Variants in PKP4 observed in about 807,000 individuals in gnomAD.
PKP4 encodes plakophilin-4.
A neutral mutation model predicts 145.1 loss-of-function variants in PKP4; 90 were observed. That is an observed-to-expected ratio of 0.62 (90% CI 0.52 to 0.74). The LOEUF (loss-of-function observed/expected upper bound fraction) is 0.74, where lower values mean the gene tolerates loss of function less well. PKP4 is among the 30% of genes least tolerant of loss of function. PKP4 has a pLI of 0.00. For missense variants in PKP4, 1,340 were observed against 1,482.7 expected, an observed-to-expected ratio of 0.90 and a Z score of 1.58; for synonymous variants, 563 against 577.2, an observed-to-expected ratio of 0.98 and a Z score of 0.35.
intron 12 of PKP4, chr2:158,661,121 C>G: frequency 2.1e-6 from 1 of 468,848 alleles, no homozygotes; most frequent in Non-Finnish European, 3.9e-6. Context: ...GAGATACAGT[C>G]CAAATGTGCA....
intron 2 of PKP4, among the ~76,000 whole-genome samples, chr2:158,570,633 C>T (rs932969649): frequency 6.6e-6 from 1 of 152,126 alleles, no homozygotes; most frequent in African/African-American, 2.4e-5. Flanking sequence ...TACTTTCCTG[C>T]TGAGATACAT....
intron 1 of PKP4, among the ~76,000 whole-genome samples, chr2:158,493,379 C>G (rs1219382156): frequency 6.6e-6 from 1 of 152,072 alleles, no homozygotes; most frequent in Non-Finnish European, 1.5e-5. Context: ...AGTGGAAATA[C>G]CTGCCTCATT....
At chr2:158,545,298 T>C (rs1244068220) in intron 2 of PKP4, among the ~76,000 whole-genome samples, 1 of 152,122 alleles carries the variant, frequency 6.6e-6, no homozygotes. Flanking sequence ...TTTTGCACTT[T>C]CTGTAATCCC....
chr2:158,675,141 C>G (rs2057893002), intron 19 of PKP4, among the ~76,000 whole-genome samples: 1 of 152,182 alleles, frequency 6.6e-6, no homozygotes, highest in African/African-American at 2.4e-5. Flanking sequence ...AATAGAGGTG[C>G]CAGGGAAATT....
At chr2:158,491,781 G>T (rs80194772) in intron 1 of PKP4, among the ~76,000 whole-genome samples, 2 of 151,620 alleles carry the variant, frequency 1.3e-5, no homozygotes, top group Non-Finnish European at 2.9e-5. Context: ...GGTATTCTTC[G>T]TGCTTTCTTT....
intron 2 of PKP4, among the ~76,000 whole-genome samples, chr2:158,555,662 C>T (rs1463031752): frequency 6.6e-6 from 1 of 152,218 alleles, no homozygotes; most frequent in Non-Finnish European, 1.5e-5. Flanking sequence ...ACTTCACACT[C>T]ATCTGGATTT....
In PKP4 at chr2:158,661,321, C is replaced by T; in HGVS notation, c.2094-12C>T. 2.5e-6 allele frequency: 4 copies of T among 1,600,956 alleles called. No individual in the cohort carries two copies. The highest frequency in any genetic ancestry group is 3.4e-6 in the Non-Finnish European group (4 of 1,168,650). On this transcript the variant is annotated splice_polypyrimidine_tract_variant and intron_variant, in intron 12 of 21. Transcript: ENST00000389759. ...TTCATCTCAGCAGCTCCTCCTGTCT[C>T]CACCCCTTTAGGAACCTCAGCTCCG...
At chr2:158,599,058 A>C (rs2050011886) in intron 3 of PKP4, among the ~76,000 whole-genome samples, 1 of 152,190 alleles carries the variant, frequency 6.6e-6, no homozygotes. Flanking sequence ...CAGGTGGTGC[A>C]GGGCCTTCTG....
chr2:158,483,372 T>TTG (rs1693659618), intron 1 of PKP4, among the ~76,000 whole-genome samples: 2 of 38,282 alleles, frequency 5.2e-5, no homozygotes, highest in African/African-American at 1.2e-4. Flanking sequence ...TATGTGTTTT[T>TTG]TTTTTTAAAT....
intron 1 of PKP4, among the ~76,000 whole-genome samples, chr2:158,494,226 A>T (rs1357390545): frequency 6.6e-6 from 1 of 152,124 alleles, no homozygotes; most frequent in Non-Finnish European, 1.5e-5. Flanking sequence ...ACAGCAGAGT[A>T]TATATTTATA....
chr2:158,648,879 A>G (rs957984744), intron 11 of PKP4, among the ~76,000 whole-genome samples: 1 of 124,050 alleles, frequency 8.1e-6, no homozygotes, highest in African/African-American at 2.6e-5. Context: ...CATGCCTGTA[A>G]TCCAGCTACT....
chr2:158,554,200 C>CA (rs1387675427), intron 2 of PKP4, among the ~76,000 whole-genome samples: 1 of 152,064 alleles, frequency 6.6e-6, no homozygotes, highest in Non-Finnish European at 1.5e-5. Context: ...TTCTGGCACT[C>CA]ACTGTCATTC....
chr2:158,516,042 C>CT (rs10719242), intron 1 of PKP4, among the ~76,000 whole-genome samples: 26 of 141,150 alleles, frequency 1.8e-4, no homozygotes, highest in East Asian at 4.1e-4. Context: ...GAGAATCCAT[C>CT]TTTTTTTTTT....
intron 11 of PKP4, among the ~76,000 whole-genome samples, chr2:158,650,979 A>G (rs1157768719): frequency 6.6e-6 from 1 of 152,218 alleles, no homozygotes; most frequent in African/African-American, 2.4e-5. Context: ...CACAGGTTTC[A>G]GGAACTCTGC....
intron 1 of PKP4, among the ~76,000 whole-genome samples, chr2:158,512,550 G>A (rs766638560): frequency 2.0e-5 from 3 of 152,198 alleles, no homozygotes; most frequent in Non-Finnish European, 4.4e-5. Flanking sequence ...TCCAACAGCT[G>A]TCCCACTGTA....
chr2:158,643,178 A>G (rs1395162410), intron 11 of PKP4, among the ~76,000 whole-genome samples: 2 of 152,150 alleles, frequency 1.3e-5, no homozygotes, highest in Non-Finnish European at 2.9e-5. Flanking sequence ...TCACCCTCAG[A>G]TTGGTGAGGA....
At chr2:158,600,048 A>G (rs980769769) in intron 3 of PKP4, among the ~76,000 whole-genome samples, 16 of 152,224 alleles carry the variant, frequency 1.1e-4, no homozygotes, top group Admixed American at 4.6e-4. Flanking sequence ...GTGATCTACA[A>G]CATATTTTCA....
At chr2:158,634,438 C>T in intron 9 of PKP4, 149 bp downstream of exon 9, 3 of 592,338 alleles carry the variant, frequency 5.1e-6, no homozygotes, top group Non-Finnish European at 8.9e-6. Flanking sequence ...AGTTGTATTC[C>T]AGCTATATAG....
At chr2:158,484,626 C>T in intron 1 of PKP4, among the ~76,000 whole-genome samples, 1 of 152,170 alleles carries the variant, frequency 6.6e-6, no homozygotes, top group Non-Finnish European at 1.5e-5. Context: ...AGGGCCTTAC[C>T]TAAGAGGCCT....
Sources: allele counts gnomAD v4.1 joint callset (sites outside exome capture counted in the v4.1 genomes callset), GRCh38; gene constraint gnomAD v4.1.1; transcripts MANE v1.5; gene names NCBI Gene and HGNC (gene_info 2026-07-23, HGNC 2026-07-21).